FAM193A: variants seen among roughly 807,000 people sequenced by gnomAD.
FAM193A encodes family with sequence similarity 193 member A.
FAM193A carries 22 observed loss-of-function variants against 126.5 expected under a neutral mutation model. That is an observed-to-expected ratio of 0.17 (90% CI 0.12 to 0.25). The LOEUF is 0.25. FAM193A is among the 10% of genes least tolerant of loss of function. The probability of loss-of-function intolerance (pLI) is 1.00; values close to 1 mark genes in which losing one functional copy is unlikely to be tolerated. For synonymous variants in FAM193A, 761 were observed against 646.8 expected (o/e 1.18, Z -2.68); for missense variants, 1,675 against 1,672.8 (o/e 1.00, Z -0.02).
At chr4:2,592,380 G>A (rs954708732) in intron 1 of FAM193A, among the ~76,000 whole-genome samples, 3 of 152,126 alleles carry the variant, frequency 2.0e-5, no homozygotes, top group African/African-American at 4.8e-5. Flanking sequence ...GAGCCACCGC[G>A]CCCAGCCTGC....
At chr4:2,604,241 T>G (rs1443042244) in intron 2 of FAM193A, among the ~76,000 whole-genome samples, 1 of 142,786 alleles carries the variant, frequency 7.0e-6, no homozygotes, top group East Asian at 2.0e-4. Context: ...TCACTGTATT[T>G]GCTGTATTTG....
intron 12 of FAM193A, among the ~76,000 whole-genome samples, chr4:2,663,814 A>C (rs1244524859): frequency 1.3e-5 from 2 of 152,194 alleles, no homozygotes; most frequent in African/African-American, 4.8e-5. Context: ...TAAAAATACA[A>C]AAATTAGCTG....
chr4:2,709,060 TAAAA>T (rs574222218), intron 19 of FAM193A, among the ~76,000 whole-genome samples: 1 of 151,584 alleles, frequency 6.6e-6, no homozygotes, highest in Non-Finnish European at 1.5e-5. Flanking sequence ...AATTTAATGT[TAAAA>T]AAAAATCCAG....
intron 2 of FAM193A, among the ~76,000 whole-genome samples, chr4:2,610,124 C>G (rs1577070999): frequency 6.6e-6 from 1 of 151,944 alleles, no homozygotes; most frequent in African/African-American, 2.4e-5. Context: ...CCCAGCTACT[C>G]AGGAGGCTGA....
chr4:2,715,332 G>T (rs1012059039), intron 19 of FAM193A: 10 of 162,020 alleles, frequency 6.2e-5, no homozygotes, highest in Non-Finnish European at 1.2e-4. Flanking sequence ...GCATGGTGGT[G>T]TGCACGTTTG....
chr4:2,689,464 A>T, intron 13 of FAM193A, 42 bp from the exon 14 acceptor site: 1 of 1,425,166 alleles, frequency 7.0e-7, no homozygotes, highest in Non-Finnish European at 9.6e-7. Context: ...AGGTAAACAG[A>T]ATATTAATTT....
At chr4:2,584,004 G>A (rs191985176) in intron 1 of FAM193A, among the ~76,000 whole-genome samples, 1 of 152,232 alleles carries the variant, frequency 6.6e-6, no homozygotes, top group Admixed American at 6.6e-5. Context: ...AATGATTAGT[G>A]CTTTTGGGGT....
At chr4:2,726,463 A>T (rs367836454) in intron 20 of FAM193A, among the ~76,000 whole-genome samples, 10 of 152,102 alleles carry the variant, frequency 6.6e-5, no homozygotes, top group African/African-American at 2.4e-4. Flanking sequence ...TCAGGGAAAA[A>T]AAAGGGAAAC....
At chr4:2,535,641 G>C (rs1478488586), upstream of FAM193A, among the ~76,000 whole-genome samples, 1 of 152,044 alleles carries the variant, frequency 6.6e-6, no homozygotes, top group Non-Finnish European at 1.5e-5. Flanking sequence ...GCCGCGGAGG[G>C]AGGAGGGTCC....
intron 1 of FAM193A, among the ~76,000 whole-genome samples, chr4:2,564,985 C>T (rs1054342107): frequency 6.6e-6 from 1 of 151,844 alleles, no homozygotes; most frequent in Non-Finnish European, 1.5e-5. Context: ...AATTGCAGAG[C>T]CAGGGGTCTT....
intron 1 of FAM193A, among the ~76,000 whole-genome samples, chr4:2,590,325 C>T (rs1212086455): frequency 1.3e-5 from 2 of 150,768 alleles, no homozygotes; most frequent in East Asian, 2.0e-4. Flanking sequence ...CCTGTCTGGG[C>T]GTGGTGGCTC....
At chr4:2,607,498 TTAG>T (rs1741615745) in intron 2 of FAM193A, among the ~76,000 whole-genome samples, 1 of 152,204 alleles carries the variant, frequency 6.6e-6, no homozygotes, top group African/African-American at 2.4e-5. Flanking sequence ...TTGCTAGCCA[TTAG>T]TAGTTAACCA....
chr4:2,537,778 C>G (rs935931025), intron 1 of FAM193A, among the ~76,000 whole-genome samples: 1 of 152,218 alleles, frequency 6.6e-6, no homozygotes, highest in African/African-American at 2.4e-5. Context: ...CCACCTGGAG[C>G]TGGCAGCCCT....
At chr4:2,631,523 A>C (rs1235499485) in intron 5 of FAM193A, among the ~76,000 whole-genome samples, 3 of 152,192 alleles carry the variant, frequency 2.0e-5, no homozygotes, top group African/African-American at 7.2e-5. Flanking sequence ...TAGGTTGTTC[A>C]TTCTTTCGTT....
chr4:2,677,152 A>G (rs1297542274), intron 13 of FAM193A, among the ~76,000 whole-genome samples: 7 of 152,066 alleles, frequency 4.6e-5, no homozygotes, highest in Non-Finnish European at 7.4e-5. Context: ...GTCCAACTTC[A>G]TTCTTTTGCA....
chr4:2,652,100 G>A (rs971268599), intron 7 of FAM193A, among the ~76,000 whole-genome samples: 2 of 152,142 alleles, frequency 1.3e-5, no homozygotes, highest in Non-Finnish European at 2.9e-5. Flanking sequence ...GGTGGCCTCT[G>A]TGCCTGGTAT....
At chr4:2,708,053 G>C (rs1577246963) in intron 19 of FAM193A, 3 of 369,608 alleles carry the variant, frequency 8.1e-6, no homozygotes, top group South Asian at 5.7e-5. Flanking sequence ...CCCAGCCTCA[G>C]ATTGTATTTC....
intron 5 of FAM193A, among the ~76,000 whole-genome samples, chr4:2,632,354 C>T (rs1435759702): frequency 6.6e-6 from 1 of 151,864 alleles, no homozygotes; most frequent in Non-Finnish European, 1.5e-5. Flanking sequence ...TCACTTGAGC[C>T]CAGGAGCTTG....
At chr4:2,609,344 A>G (rs971359169) in intron 2 of FAM193A, among the ~76,000 whole-genome samples, 6 of 152,164 alleles carry the variant, frequency 3.9e-5, no homozygotes, top group Non-Finnish European at 7.4e-5. Context: ...AGGGGATGGC[A>G]CTTTGGGGTA....
Sources: gnomAD v4.1 joint callset for allele counts (sites outside exome capture counted in the v4.1 genomes callset) on GRCh38, gnomAD v4.1.1 for gene constraint, MANE v1.5 for transcripts, NCBI Gene and HGNC (gene_info 2026-07-23, HGNC 2026-07-21) for gene names.